PACRG: variants seen among roughly 807,000 people sequenced by gnomAD.
PACRG encodes parkin coregulated.
PACRG carries 29 observed loss-of-function variants against 29.7 expected under a neutral mutation model. The observed-to-expected ratio is 0.98, with a 90% CI of 0.73 to 1.33. PACRG has a LOEUF of 1.33. Ranked by LOEUF, PACRG falls within the 40% of genes most tolerant of loss-of-function variation. The pLI, the probability that PACRG is intolerant of heterozygous loss-of-function variation, is 0.00. For missense variants in PACRG, 279 were observed against 316.2 expected, an observed-to-expected ratio of 0.88 and a Z score of 0.89; for synonymous variants, 116 against 118.7, an observed-to-expected ratio of 0.98 and a Z score of 0.15.
chr6:163,157,210 A>G (rs564290685), intron 4 of PACRG, among the ~76,000 whole-genome samples: 2 of 152,358 alleles, frequency 1.3e-5, no homozygotes, highest in South Asian at 4.1e-4. Flanking sequence ...TCCCGCGTCC[A>G]GTAGTGCCTA....
chr6:162,925,958 T>G (rs2128099964), intron 2 of PACRG, among the ~76,000 whole-genome samples: 1 of 152,168 alleles, frequency 6.6e-6, no homozygotes, highest in East Asian at 1.9e-4. Flanking sequence ...CAGCAAAGTC[T>G]CAGGATACAA....
chr6:162,875,077 ACATT>A (rs1293980730), intron 2 of PACRG, among the ~76,000 whole-genome samples: 20 of 152,246 alleles, frequency 1.3e-4, no homozygotes, highest in East Asian at 5.8e-4. Flanking sequence ...ACACCCTCAC[ACATT>A]CATTCATGTG....
In PACRG at chr6:162,941,856, TCA is replaced by T. The variant is rs1337639478; in HGVS notation, c.292-120293_292-120292del. On this transcript the variant is annotated intron_variant, in intron 2 of 4. Coordinates refer to ENST00000366888, the MANE Select transcript of PACRG (RefSeq NM_001080379.2). Reference sequence around the variant, plus strand: ...TTATTGTTAAACTCCATAAAAGTTATCAGTTTGAACTTTAAAAGAAAAAAAGC... The same window carrying T: ...TTATTGTTAAACTCCATAAAAGTTATGTTTGAACTTTAAAAGAAAAAAAGC... Among the ~76,000 whole-genome samples the T allele has an allele frequency of 2.0e-5, 3 of 152,320 alleles. No homozygotes were observed. The East Asian group carries it at 5.8e-4, about 29-fold the overall frequency.
intron 4 of PACRG, chr6:163,101,012 C>A: frequency 1.0e-6 from 1 of 983,566 alleles, no homozygotes; most frequent in Non-Finnish European, 1.2e-6. Context: ...TTTTTTTGCT[C>A]TTAAGTACAG....
At chr6:163,135,841 G>T (rs568025393) in intron 4 of PACRG, among the ~76,000 whole-genome samples, 1 of 152,330 alleles carries the variant, frequency 6.6e-6, no homozygotes, top group Non-Finnish European at 1.5e-5. Context: ...AAACACAGAA[G>T]TGCAAGATGT....
At chr6:163,116,030 T>C (rs907780011) in intron 4 of PACRG, among the ~76,000 whole-genome samples, 5 of 152,186 alleles carry the variant, frequency 3.3e-5, no homozygotes, top group Non-Finnish European at 5.9e-5. Flanking sequence ...GTTACACTTC[T>C]AGAGGACAGG....
At chr6:162,896,357 A>G (rs1795162155) in intron 2 of PACRG, among the ~76,000 whole-genome samples, 1 of 152,150 alleles carries the variant, frequency 6.6e-6, no homozygotes, top group African/African-American at 2.4e-5. Flanking sequence ...AGAATGACAC[A>G]TTTTGTGGTT....
chr6:163,296,904 T>C (rs1304841870), intron 4 of PACRG, among the ~76,000 whole-genome samples: 3 of 152,086 alleles, frequency 2.0e-5, no homozygotes, highest in Admixed American at 2.0e-4. Context: ...CATAACTACA[T>C]AAAGGGACAT....
At chr6:162,886,515 A>G (rs975528447) in intron 2 of PACRG, among the ~76,000 whole-genome samples, 1 of 152,214 alleles carries the variant, frequency 6.6e-6, no homozygotes, top group Non-Finnish European at 1.5e-5. Context: ...CTGTCTGTTC[A>G]TTAACCCCCT....
intron 4 of PACRG, among the ~76,000 whole-genome samples, chr6:163,103,327 C>T (rs960427321): frequency 5.9e-5 from 9 of 152,272 alleles, no homozygotes; most frequent in East Asian, 3.9e-4. Flanking sequence ...CTGCTAGAGG[C>T]GGCCCACATT....
At chr6:163,256,632 G>A (rs1026997900) in intron 4 of PACRG, among the ~76,000 whole-genome samples, 3 of 152,220 alleles carry the variant, frequency 2.0e-5, no homozygotes, top group Admixed American at 6.5e-5. Context: ...AAGGCCCCAA[G>A]AAGGGACACG....
intron 4 of PACRG, among the ~76,000 whole-genome samples, chr6:163,109,881 C>G (rs1815612569): frequency 6.6e-6 from 1 of 152,096 alleles, no homozygotes; most frequent in Non-Finnish European, 1.5e-5. Flanking sequence ...TATGCAAACT[C>G]AAGTATATAA....
intron 3 of PACRG, among the ~76,000 whole-genome samples, chr6:163,075,649 ATTAT>A (rs898997794): frequency 8.5e-5 from 13 of 152,236 alleles, no homozygotes; most frequent in South Asian, 4.1e-4. Flanking sequence ...TTAAAAAATG[ATTAT>A]TTAATAAATG....
chr6:162,923,306 T>A lies in PACRG; in HGVS notation c.291+109025T>A, dbSNP rs1010406644. On this transcript the variant is annotated intron_variant, in intron 2 of 4. Transcript: ENST00000366888. ...TGTCAGATGAATAGTTTGTAAATAT[T>A]TTCTCCTATTCTGCAGATTGTCTCT... 2.6e-5 allele frequency among the ~76,000 whole-genome samples: 4 copies of A among 152,184 alleles called. No homozygotes were observed. The East Asian group carries it at 7.7e-4, about 29-fold the overall frequency.
intron 3 of PACRG, among the ~76,000 whole-genome samples, chr6:163,076,934 C>A (rs1812603156): frequency 6.6e-6 from 1 of 152,162 alleles, no homozygotes; most frequent in South Asian, 2.1e-4. Flanking sequence ...AGTAATACAT[C>A]CCCACAGCAT....
At chr6:162,818,681 C>G (rs1261182858) in intron 2 of PACRG, among the ~76,000 whole-genome samples, 1 of 152,164 alleles carries the variant, frequency 6.6e-6, no homozygotes, top group African/African-American at 2.4e-5. Context: ...AAAGGTGTCT[C>G]TAAAATCTTT....
At chr6:162,785,930 C>T (rs1784435440) in intron 1 of PACRG, among the ~76,000 whole-genome samples, 1 of 152,220 alleles carries the variant, frequency 6.6e-6, no homozygotes, top group South Asian at 2.1e-4. Flanking sequence ...GGACAGTGCA[C>T]AAGGCTGCCC....
intron 1 of PACRG, among the ~76,000 whole-genome samples, chr6:162,735,977 C>T (rs138269928): frequency 7.1e-4 from 108 of 152,258 alleles, no homozygotes; most frequent in African/African-American, 2.4e-3. Context: ...TCAATTTTGT[C>T]ATTCATAAGA....
intron 2 of PACRG, among the ~76,000 whole-genome samples, chr6:162,947,349 AC>A (rs1799133523): frequency 7.2e-5 from 3 of 41,774 alleles, no homozygotes; most frequent in Admixed American, 3.5e-4. Context: ...TATAATGATT[AC>A]ATATATATAA....
Sources: allele counts gnomAD v4.1 joint callset (sites outside exome capture counted in the v4.1 genomes callset), GRCh38; gene constraint gnomAD v4.1.1; transcripts MANE v1.5; gene names NCBI Gene and HGNC (gene_info 2026-07-23, HGNC 2026-07-21).